Variants in PALM2AKAP2 observed in about 807,000 individuals in gnomAD.
The protein encoded by PALM2AKAP2 is PALM2 and AKAP2 fusion, also known as PALM2-AKAP2 fusion protein.
Under a neutral mutation model 71.5 loss-of-function variants are expected in PALM2AKAP2, and 37 were observed. The observed-to-expected ratio is 0.52, with a 90% CI of 0.40 to 0.68. The LOEUF is 0.68. PALM2AKAP2 is among the 30% of genes least tolerant of loss of function. The pLI is 0.00. For synonymous variants in PALM2AKAP2, 468 were observed against 478.8 expected (o/e 0.98, Z 0.29); for missense variants, 1,224 against 1,191.8 (o/e 1.03, Z -0.40).
chr9:109,913,281 A>C (rs938649265), intron 3 of PALM2AKAP2, among the ~76,000 whole-genome samples: 1 of 152,228 alleles, frequency 6.6e-6, no homozygotes, highest in African/African-American at 2.4e-5. Flanking sequence ...AAGGCTGGAA[A>C]GGTGTTTAAA....
chr9:109,945,876 T>C (rs963801827), intron 6 of PALM2AKAP2: 3 of 152,196 alleles, frequency 2.0e-5, no homozygotes, highest in African/African-American at 7.2e-5. Flanking sequence ...AACTAAAAGA[T>C]TAATGATTAT....
chr9:109,918,486 A>G (rs372282690), intron 3 of PALM2AKAP2, among the ~76,000 whole-genome samples: 23 of 151,972 alleles, frequency 1.5e-4, no homozygotes, highest in Admixed American at 1.5e-3. Flanking sequence ...TGTTATGTGC[A>G]CCTGCCACAG....
chr9:110,048,714 G>A, exon 1 of PALM2AKAP2: 8 of 1,547,396 alleles, frequency 5.2e-6, no homozygotes, highest in Non-Finnish European at 6.9e-6. Flanking sequence ...GCTGGCCCCA[G>A]CCCGGGGCTG....
intron 3 of PALM2AKAP2, among the ~76,000 whole-genome samples, chr9:109,922,005 G>T (rs1177851114): frequency 6.6e-6 from 1 of 152,180 alleles, no homozygotes; most frequent in Non-Finnish European, 1.5e-5. Flanking sequence ...GAGGGGCACA[G>T]TATGTCGCTA....
exon 4 of PALM2AKAP2, chr9:110,169,159 G>T (rs377623584): frequency 3.9e-5 from 6 of 152,624 alleles, no homozygotes; most frequent in African/African-American, 1.4e-4. Context: ...TATTCTACAT[G>T]AGGAGGCTGA....
chr9:109,712,473 C>T (rs926734425), intron 1 of PALM2AKAP2, among the ~76,000 whole-genome samples: 31 of 152,148 alleles, frequency 2.0e-4, no homozygotes, highest in South Asian at 4.1e-4. Flanking sequence ...TTTCCAATGA[C>T]GTGTTTTTTC....
chr9:110,073,682 T>C (rs1258155545), intron 1 of PALM2AKAP2, among the ~76,000 whole-genome samples: 1 of 152,174 alleles, frequency 6.6e-6, no homozygotes, highest in Non-Finnish European at 1.5e-5. Flanking sequence ...AAACATTAGA[T>C]TTACCTTTGG....
intron 1 of PALM2AKAP2, among the ~76,000 whole-genome samples, chr9:109,844,800 T>A (rs1828804398): frequency 6.6e-6 from 1 of 152,206 alleles, no homozygotes; most frequent in Non-Finnish European, 1.5e-5. Flanking sequence ...TACATGGATG[T>A]CAGCGAGAAG....
chr9:109,796,164 A>G (rs1177811000), intron 1 of PALM2AKAP2, among the ~76,000 whole-genome samples: 1 of 152,250 alleles, frequency 6.6e-6, no homozygotes, highest in South Asian at 2.1e-4. Flanking sequence ...GCTTTTCAGA[A>G]TAGTGCTTAA....
chr9:110,040,038 TGAAG>T (rs1375180295), intron 7 of PALM2AKAP2, among the ~76,000 whole-genome samples: 1 of 150,666 alleles, frequency 6.6e-6, no homozygotes, highest in African/African-American at 2.4e-5. Context: ...GAAGTACAAA[TGAAG>T]GAAGGAAGGA....
chr9:110,060,175 C>T (rs537555736), intron 1 of PALM2AKAP2, among the ~76,000 whole-genome samples: 9 of 152,164 alleles, frequency 5.9e-5, no homozygotes, highest in African/African-American at 2.2e-4. Flanking sequence ...TGCAATGGTG[C>T]GATTTCGGCT....
intron 1 of PALM2AKAP2, among the ~76,000 whole-genome samples, chr9:110,132,274 C>G (rs568271094): frequency 6.6e-6 from 1 of 152,058 alleles, no homozygotes; most frequent in East Asian, 1.9e-4. Context: ...AGGCTGGTGT[C>G]GAACTCCTGA....
chr9:110,122,947 G>A (rs1267939532), intron 1 of PALM2AKAP2, among the ~76,000 whole-genome samples: 1 of 152,146 alleles, frequency 6.6e-6, no homozygotes, highest in Non-Finnish European at 1.5e-5. Context: ...GTGTGGGATG[G>A]CTCTGTTTAT....
chr9:109,653,700 G>A lies in PALM2AKAP2; in HGVS notation c.5+12834G>A, dbSNP rs189750208. 2.2e-3 allele frequency among the ~76,000 whole-genome samples: 336 copies of A among 152,334 alleles called. 4 individuals carry two copies. The highest frequency in any genetic ancestry group is 7.1e-4 in the Non-Finnish European group (48 of 68,036). ...GTTCCCAACAAGCTTCCCAGGAGGTGATGCTGATGCTGCTGGTCTGCAGAC... is the reference window on the plus strand; with the variant it reads ...GTTCCCAACAAGCTTCCCAGGAGGTAATGCTGATGCTGCTGGTCTGCAGAC... On this transcript the variant is annotated intron_variant, in intron 1 of 6. Transcript: ENST00000374531.
intron 6 of PALM2AKAP2, among the ~76,000 whole-genome samples, chr9:109,959,334 A>G (rs1831808371): frequency 6.6e-6 from 1 of 152,110 alleles, no homozygotes; most frequent in African/African-American, 2.4e-5. Flanking sequence ...GTAATACACC[A>G]TAGAGAGTTG....
Position 109,828,218 on chromosome 9 carries a change from TC to T in PALM2AKAP2, c.46-39272del, listed in dbSNP as rs200106391. Among the ~76,000 whole-genome samples the T allele has an allele frequency of 2.7e-3, 409 of 152,240 alleles. 6 individuals are homozygous for T. Among genetic ancestry groups the T allele is most frequent in the African/African-American group, 9.4e-3 (391 of 41,542 alleles). ...CTTCTTTCAGGCATCTAGGTTTGTTTCTTTGGGGTGTGTATGTGTGTATGTT... is the reference window on the plus strand; with the variant it reads ...CTTCTTTCAGGCATCTAGGTTTGTTTTTTGGGGTGTGTATGTGTGTATGTT... On this transcript the variant is annotated intron_variant, in intron 1 of 9. Transcript: ENST00000302798.
intron 3 of PALM2AKAP2, among the ~76,000 whole-genome samples, chr9:109,907,647 A>G (rs773745893): frequency 1.3e-5 from 2 of 152,188 alleles, no homozygotes; most frequent in Non-Finnish European, 2.9e-5. Flanking sequence ...AGCCCGGCAC[A>G]ACCCATGTGG....
intron 1 of PALM2AKAP2, among the ~76,000 whole-genome samples, chr9:109,806,066 T>C (rs1275533099): frequency 2.0e-5 from 3 of 152,244 alleles, no homozygotes; most frequent in Non-Finnish European, 2.9e-5. Flanking sequence ...TCTGATTTCC[T>C]CACTGCCTGT....
At position 110,153,366 on chromosome 9, in the gene PALM2AKAP2, A is replaced by G. The variant is rs1443245901; in HGVS notation, c.2570-2953A>G. ...GTGGTCATGACATCCAGGTGTCACG[A>G]CATCCACCCTAACTACATTCCAGGG... On this transcript the variant is annotated intron_variant, in intron 2 of 3. Transcript: ENST00000374525. Among the ~76,000 whole-genome samples the G allele has an allele frequency of 2.0e-5, 3 of 152,322 alleles. No homozygotes were observed. The East Asian group carries it at 5.8e-4, about 29-fold the overall frequency.
Sources: gnomAD v4.1 joint callset for allele counts (sites outside exome capture counted in the v4.1 genomes callset) on GRCh38, gnomAD v4.1.1 for gene constraint, MANE v1.5 for transcripts, NCBI Gene and HGNC (gene_info 2026-07-23, HGNC 2026-07-21) for gene names.